C16orf96: variants seen among roughly 807,000 people sequenced by gnomAD.
C16orf96 encodes chromosome 16 open reading frame 96.
C16orf96 carries 108 observed loss-of-function variants against 103.6 expected under a neutral mutation model. The ratio of observed to expected loss-of-function variants is 1.04; its 90% CI spans 0.89 to 1.22. The LOEUF (loss-of-function observed/expected upper bound fraction) is 1.22, where lower values mean the gene tolerates loss of function less well. C16orf96 is among the 50% of genes most tolerant of loss of function. C16orf96 has a pLI of 0.00. For missense variants in C16orf96, 1,586 were observed against 1,464.2 expected, an observed-to-expected ratio of 1.08 and a Z score of -1.36; for synonymous variants, 566 against 593.5, an observed-to-expected ratio of 0.95 and a Z score of 0.67.
chr16:4,579,172 T>TC, intron 6 of C16orf96, 147 bp downstream of exon 6: 4 of 720,660 alleles, frequency 5.6e-6, no homozygotes, highest in African/African-American at 1.8e-5. Flanking sequence ...CGAAGGCAGC[T>TC]GCTGCCTCTC....
At chr16:4,563,693 T>C (rs1428535409) in intron 1 of C16orf96, among the ~76,000 whole-genome samples, 1 of 152,000 alleles carries the variant, frequency 6.6e-6, no homozygotes, top group Non-Finnish European at 1.5e-5. Context: ...TTCAGCTTCC[T>C]GAGTAACTGG....
chr16:4,577,996 A>G (rs2059534100), intron 5 of C16orf96, among the ~76,000 whole-genome samples: 1 of 151,184 alleles, frequency 6.6e-6, no homozygotes, highest in African/African-American at 2.4e-5. Flanking sequence ...TGTAGTCCCA[A>G]CTACTCAGGA....
chr16:4,578,979 A>T lies in C16orf96; in HGVS notation c.2195A>T (p.Asp732Val), dbSNP rs773724522. Residue 732 changes from aspartate to valine, a missense_variant, in exon 6 of 16, where the codon GAC becomes GTC. Physicochemically the swap from Asp to Val is radical, Grantham distance 152. Coordinates refer to ENST00000444310, the MANE Select transcript of C16orf96 (RefSeq NM_001145011.2). Reference protein sequence around the residue: ...GGPSSLGTTVDILQKKIGSLQ... With the variant: ...GGPSSLGTTVVILQKKIGSLQ... ...CCTTCCAGCCTCGGGACAACAGTGGACATATTGCAGAAAAAGATTGGCAGC... is the reference window on the plus strand; with the variant it reads ...CCTTCCAGCCTCGGGACAACAGTGGTCATATTGCAGAAAAAGATTGGCAGC... 1 of 1,551,444 alleles carries T rather than the reference A, an allele frequency of 6.4e-7. No individual in the cohort carries two copies. The highest frequency in any genetic ancestry group is 8.7e-7 in the Non-Finnish European group (1 of 1,146,904).
rs544730912 is a variant in C16orf96 at position 4,595,109 on chromosome 16, G to A, written c.3127+306G>A. Among the ~76,000 whole-genome samples, 4 of 152,318 alleles carry A rather than the reference G, an allele frequency of 2.6e-5. No homozygotes were observed. The South Asian group carries it at 8.3e-4, about 32-fold the overall frequency. ...GAGCTAGGAAAGGTGCTGGGCTGGT[G>A]CCAAGGGACGCCAGTCCACGGAGGA... On this transcript the variant is annotated intron_variant, in intron 14 of 15. Transcript: ENST00000444310.
At chr16:4,582,411 G>A (rs886347228) in intron 7 of C16orf96, among the ~76,000 whole-genome samples, 1 of 152,134 alleles carries the variant, frequency 6.6e-6, no homozygotes, top group African/African-American at 2.4e-5. Flanking sequence ...GGGGAAAAGG[G>A]ACCAAGGAAA....
chr16:4,572,030 A>G (rs2059444593), intron 2 of C16orf96, among the ~76,000 whole-genome samples: 1 of 151,474 alleles, frequency 6.6e-6, no homozygotes, highest in Non-Finnish European at 1.5e-5. Flanking sequence ...TTGTATTTTT[A>G]GTAGAGACAG....
Position 4,576,443 on chromosome 16 carries a change from G to A in C16orf96, c.1963G>A (p.Ala655Thr). The A allele has an allele frequency of 1.3e-6, 2 of 1,551,352 alleles. No homozygotes were observed. Among genetic ancestry groups the A allele is most frequent in the Non-Finnish European group, 1.7e-6 (2 of 1,147,018 alleles). Residue 655 changes from alanine to threonine, a missense_variant, in exon 5 of 16, where the codon GCC (alanine) becomes ACC (threonine). Transcript: ENST00000444310. ...YEILSPSYSA[A>T]SIGPDPALSQ... ...AATCCTCTCTCCCTCCTACTCTGCT[G>A]CCAGCATCGGTCCCGATCCAGCCCT...
Position 4,599,082 on chromosome 16 carries a change from G to A in C16orf96, c.3128-202G>A, listed in dbSNP as rs1296496465. ...TGCGTGCGCTCCAGCCTAGGTGACA[G>A]AGCGGAGACCCTGCCTCAAGAAAAA... On this transcript the variant is annotated intron_variant, in intron 14 of 15. Transcript: ENST00000444310. Among the ~76,000 whole-genome samples, 2 of 150,790 alleles carry A rather than the reference G, an allele frequency of 1.3e-5. 1 individual carries two copies. Among genetic ancestry groups the A allele is most frequent in the Admixed American group, 1.3e-4 (2 of 15,114 alleles).
At chr16:4,579,209 G>C (rs780578371) in intron 6 of C16orf96, among the ~76,000 whole-genome samples, 184 bp downstream of exon 6, 4 of 151,862 alleles carry the variant, frequency 2.6e-5, no homozygotes, top group African/African-American at 4.8e-5. Flanking sequence ...TGCGGTGGGG[G>C]GGCCCAGCAG....
At chr16:4,578,502 G>GT (rs1468885365) in intron 5 of C16orf96, among the ~76,000 whole-genome samples, 2 of 152,086 alleles carry the variant, frequency 1.3e-5, no homozygotes, top group Non-Finnish European at 2.9e-5. Flanking sequence ...GCTCATGCCT[G>GT]TACTCCCAGC....
At chr16:4,549,036 T>C in the C16orf96 span, among the ~76,000 whole-genome samples, 2 of 152,012 alleles carry the variant, frequency 1.3e-5, no homozygotes, top group African/African-American at 4.8e-5. Flanking sequence ...GTGATGTTTA[T>C]CTCTCTTAGT....
the C16orf96 span, among the ~76,000 whole-genome samples, chr16:4,548,539 C>G: frequency 6.6e-6 from 1 of 152,304 alleles, no homozygotes; most frequent in Admixed American, 6.5e-5. Context: ...CAGAGCCAGC[C>G]CATGGGGCTC....
At chr16:4,549,490 AC>A in the C16orf96 span, among the ~76,000 whole-genome samples, 17 of 149,940 alleles carry the variant, frequency 1.1e-4, no homozygotes, top group East Asian at 2.0e-4. Flanking sequence ...AAAAAAAAAA[AC>A]AACCAACCAG....
chr16:4,546,251 C>T, the C16orf96 span, among the ~76,000 whole-genome samples: 3 of 151,174 alleles, frequency 2.0e-5, no homozygotes, highest in Admixed American at 2.0e-4. Context: ...CTCCACCTCC[C>T]AGGTTCACGC....
At chr16:4,594,560 C>T (rs927750567) in intron 13 of C16orf96, 50 bp downstream of exon 13, 1 of 1,543,604 alleles carries the variant, frequency 6.5e-7, no homozygotes, top group African/African-American at 1.4e-5. Context: ...CAGCGCACCC[C>T]AGCCCCAGGT....
the C16orf96 span, among the ~76,000 whole-genome samples, chr16:4,547,795 C>G: frequency 3.3e-5 from 5 of 149,654 alleles, no homozygotes; most frequent in East Asian, 3.9e-4. Flanking sequence ...CTTTCCCTCC[C>G]TCCCTCCCTT....
chr16:4,570,767 G>A lies in C16orf96; in HGVS notation c.421-794G>A, dbSNP rs183011996. Among the ~76,000 whole-genome samples, 684 of 152,140 alleles carry A rather than the reference G, an allele frequency of 4.5e-3. 3 individuals carry two copies. The highest frequency in any genetic ancestry group is 6.9e-3 in the Non-Finnish European group (466 of 67,990). On this transcript the variant is annotated intron_variant, in intron 1 of 15. Coordinates refer to ENST00000444310, the MANE Select transcript of C16orf96 (RefSeq NM_001145011.2). The stretch of plus-strand genomic sequence containing the variant: ...AGGCATGAGCCACCGCGCCAAGCTC[G>A]CAACACACTTCTGACACCAGATGTG...
chr16:4,543,939 G>T, the C16orf96 span, among the ~76,000 whole-genome samples: 2 of 152,082 alleles, frequency 1.3e-5, no homozygotes, highest in African/African-American at 4.8e-5. Context: ...ACCGCACCCC[G>T]CCAGGATTCA....
the C16orf96 span, among the ~76,000 whole-genome samples, chr16:4,546,298 A>G: frequency 3.7e-4 from 56 of 151,292 alleles, no homozygotes; most frequent in African/African-American, 1.3e-3. Flanking sequence ...AGCTGGGACT[A>G]CAGGCGCCCG....
Sources: gnomAD v4.1 joint callset for allele counts (sites outside exome capture counted in the v4.1 genomes callset) on GRCh38, gnomAD v4.1.1 for gene constraint, MANE v1.5 for transcripts, NCBI Gene and HGNC (gene_info 2026-07-23, HGNC 2026-07-21) for gene names.